The following SLAMF1 variants were observed in gnomAD, a reference collection of about 807,000 sequenced individuals.
SLAMF1 encodes the protein signaling lymphocytic activation molecule.
A neutral mutation model predicts 35.1 loss-of-function variants in SLAMF1; 18 were observed. The ratio of observed to expected loss-of-function variants is 0.51; its 90% CI spans 0.35 to 0.76. The LOEUF (loss-of-function observed/expected upper bound fraction) is 0.76. Ranked by LOEUF, SLAMF1 falls within the 30% of genes least tolerant of loss-of-function variation. The pLI is 0.01. For missense variants in SLAMF1, 392 were observed against 413.0 expected, an observed-to-expected ratio of 0.95 and a Z score of 0.44; for synonymous variants, 168 against 157.2, an observed-to-expected ratio of 1.07 and a Z score of -0.51.
rs202083103 is a variant in SLAMF1, at chr1:160,637,354, G to A, written c.252C>T (p.Ser84=). The A allele has an allele frequency of 4.0e-4, 643 of 1,614,026 alleles. No homozygotes were observed. The highest frequency in any genetic ancestry group is 5.8e-4 in the Admixed American group (35 of 60,016). Reference sequence around the variant, plus strand: ...CTAGATAACGTGGAGGGCCTGCTTCGGATGGATCAAGAGACACTATTTTGT... The same window carrying A: ...CTAGATAACGTGGAGGGCCTGCTTCAGATGGATCAAGAGACACTATTTTGT... ...VENKIVSLDP[S]EAGPPRYLGD... The change falls in exon 2 of 7, where the codon TCC becomes TCT. Residue 84 remains serine (S), a synonymous_variant. Coordinates refer to ENST00000302035, the MANE Select transcript of SLAMF1 (RefSeq NM_003037.5).
At chr1:160,644,752 TTAA>T (rs1259059046) in intron 1 of SLAMF1, among the ~76,000 whole-genome samples, 1 of 152,166 alleles carries the variant, frequency 6.6e-6, no homozygotes, top group Non-Finnish European at 1.5e-5. Context: ...CATCACAGTA[TTAA>T]TATTTTTGAG....
intron 2 of SLAMF1, among the ~76,000 whole-genome samples, chr1:160,635,639 T>C (rs1660411522): frequency 6.7e-6 from 1 of 149,766 alleles, no homozygotes; most frequent in African/African-American, 2.5e-5. Flanking sequence ...TGGCACAATC[T>C]CAGCTCACTG....
intron 6 of SLAMF1, among the ~76,000 whole-genome samples, 162 bp downstream of exon 6, chr1:160,612,326 T>C (rs1369175803): frequency 6.6e-6 from 1 of 152,046 alleles, no homozygotes; most frequent in Non-Finnish European, 1.5e-5. Context: ...TCATGAGGAT[T>C]TGTTATACAC....
At chr1:160,633,806 G>A (rs575065380) in intron 3 of SLAMF1, among the ~76,000 whole-genome samples, 1 of 152,346 alleles carries the variant, frequency 6.6e-6, no homozygotes, top group African/African-American at 2.4e-5. Flanking sequence ...ACAGTCAGAA[G>A]ATGTAGGTTT....
chr1:160,610,657 G>C lies in SLAMF1; in HGVS notation c.*91C>G. The stretch of plus-strand genomic sequence containing the variant: ...AAGGGTACAGACGTGCAGCATGTCT[G>C]CCAGAGGAAACTTGGGGCCTGTGGC... On this transcript the variant is annotated 3_prime_UTR_variant, in exon 7 of 7. Coordinates refer to ENST00000302035, the MANE Select transcript of SLAMF1 (RefSeq NM_003037.5). 1 of 867,428 alleles carries C rather than the reference G, an allele frequency of 1.2e-6. No individual in the cohort carries two copies. The highest frequency in any genetic ancestry group is 1.7e-5 in the Admixed American group (1 of 57,394). The allele number at this position is 867,428 out of a possible 1,614,324, so 53.7% of individuals were successfully genotyped here.
intron 5 of SLAMF1, among the ~76,000 whole-genome samples, chr1:160,615,990 A>G (rs1394201878): frequency 6.6e-6 from 1 of 152,202 alleles, no homozygotes; most frequent in Non-Finnish European, 1.5e-5. Context: ...CAGAACTGTT[A>G]GAGAATAAAT....
chr1:160,610,637 T>C lies in SLAMF1; in HGVS notation c.*111A>G. 1.3e-6 allele frequency: 1 copy of C among 764,992 alleles called. No individual in the cohort carries two copies. The highest frequency in any genetic ancestry group is 2.4e-5 in the East Asian group (1 of 40,828). The allele number at this position is 764,992 out of a possible 1,614,324, so 47.4% of individuals were successfully genotyped here. A position where few individuals can be genotyped will look rare whatever the true frequency, so the allele number is the denominator to read the frequency against. On this transcript the variant is annotated 3_prime_UTR_variant, in exon 7 of 7. Transcript: ENST00000302035. ...CACCAGGGAGTTGATCTGAGAAGGG[T>C]ACAGACGTGCAGCATGTCTGCCAGA...
chr1:160,635,676 A>G (rs541264299), intron 2 of SLAMF1, among the ~76,000 whole-genome samples: 46 of 147,882 alleles, frequency 3.1e-4, no homozygotes, highest in African/African-American at 1.1e-3. Context: ...GGTTCACGCC[A>G]TTCTCCTGCC....
At chr1:160,627,083 CAGAT>C (rs1454991337) in intron 3 of SLAMF1, among the ~76,000 whole-genome samples, 1 of 152,290 alleles carries the variant, frequency 6.6e-6, no homozygotes, top group African/African-American at 2.4e-5. Flanking sequence ...TATTTGGAGC[CAGAT>C]AGATAAGTTC....
intron 5 of SLAMF1, among the ~76,000 whole-genome samples, chr1:160,613,743 T>C (rs1659135081): frequency 6.6e-6 from 1 of 152,242 alleles, no homozygotes. Flanking sequence ...CTTCATATAT[T>C]TGATGAATTG....
At position 160,647,042 on chromosome 1, in the gene SLAMF1, T is replaced by A. The variant is rs1160013237; in HGVS notation, c.-97A>T. 2 of 691,626 alleles carry A rather than the reference T, an allele frequency of 2.9e-6. No homozygotes were observed. The highest frequency in any genetic ancestry group is 5.5e-5 in the East Asian group (2 of 36,044). The allele number at this position is 691,626 out of a possible 1,614,324, so 42.8% of individuals were successfully genotyped here. ...GCTTCGTGTCATGCAGCAGAGGCTGTCTGATTTATGTATCAGGAACCAGCA... is the reference window on the plus strand; with the variant it reads ...GCTTCGTGTCATGCAGCAGAGGCTGACTGATTTATGTATCAGGAACCAGCA... On this transcript the variant is annotated 5_prime_UTR_variant, in exon 1 of 7. Transcript: ENST00000302035.
Position 160,646,888 on chromosome 1 carries a change from C to T in SLAMF1, c.58G>A (p.Gly20Arg), listed in dbSNP as rs574741968. ...CACTCACCTGTTCCGTAGCTTGCCC[C>T]AAAAGCCAGGGAGAGAAACAGCACG... ...TFVLFLSLAF[G>R]ASYGTGGRMM... The change falls in exon 1 of 7, where the codon GGG becomes AGG. Residue 20 changes from glycine (G) to arginine (R), a missense_variant. Physicochemically the swap from Gly to Arg is moderately radical, Grantham distance 125. Coordinates refer to ENST00000302035, the MANE Select transcript of SLAMF1 (RefSeq NM_003037.5). 1 of 1,605,470 alleles carries T rather than the reference C, an allele frequency of 6.2e-7. No individual in the cohort carries two copies. Among genetic ancestry groups the T allele is most frequent in the Admixed American group, 1.7e-5 (1 of 59,856 alleles).
chr1:160,645,887 C>T (rs10489635), intron 1 of SLAMF1, among the ~76,000 whole-genome samples: 7,308 of 152,108 alleles, frequency 0.048, 230 homozygotes, highest in African/African-American at 0.09. Flanking sequence ...ATTGGATTTG[C>T]GGTCTTGAAA....
chr1:160,635,030 G>A lies in SLAMF1; in HGVS notation c.416-133C>T, dbSNP rs915522722. On this transcript the variant is annotated intron_variant, in intron 2 of 6. Coordinates refer to ENST00000302035, the MANE Select transcript of SLAMF1 (RefSeq NM_003037.5). Reference sequence around the variant, plus strand: ...CTCAATGTGATTTATTTCTAGTGGGGAATCTATTGCTTCACACTGTCCATC... The same window carrying A: ...CTCAATGTGATTTATTTCTAGTGGGAAATCTATTGCTTCACACTGTCCATC... 1.4e-5 allele frequency: 10 copies of A among 736,342 alleles called. No individual in the cohort carries two copies. The African/African-American group carries it at 1.6e-4, about 12-fold the overall frequency. 45.6% of individuals were successfully genotyped at this position (736,342 alleles called of 1,614,324 possible). A position where few individuals can be genotyped will look rare whatever the true frequency, so the allele number is the denominator to read the frequency against.
chr1:160,631,057 T>C (rs1168588508), intron 3 of SLAMF1, among the ~76,000 whole-genome samples: 1 of 152,218 alleles, frequency 6.6e-6, no homozygotes, highest in Non-Finnish European at 1.5e-5. Context: ...ACAGCTGTCT[T>C]CTGCCTTAAG....
At chr1:160,620,363 A>G (rs1408178023) in intron 4 of SLAMF1, among the ~76,000 whole-genome samples, 1 of 152,086 alleles carries the variant, frequency 6.6e-6, no homozygotes, top group African/African-American at 2.4e-5. Flanking sequence ...TGTGGGAGGT[A>G]AGGGCGGGGG....
chr1:160,618,768 C>T (rs889140731), intron 5 of SLAMF1, among the ~76,000 whole-genome samples: 1 of 152,082 alleles, frequency 6.6e-6, no homozygotes, highest in African/African-American at 2.4e-5. Flanking sequence ...GGGATGCTAG[C>T]AGCATAGGAT....
chr1:160,630,383 C>T (rs184372059), intron 3 of SLAMF1, among the ~76,000 whole-genome samples: 2 of 152,320 alleles, frequency 1.3e-5, no homozygotes, highest in Admixed American at 1.3e-4. Flanking sequence ...TAAGTTTTTG[C>T]ACAGTTTCGC....
chr1:160,632,151 T>C (rs549832697), intron 3 of SLAMF1, among the ~76,000 whole-genome samples: 1 of 152,258 alleles, frequency 6.6e-6, no homozygotes, highest in East Asian at 1.9e-4. Context: ...CCACTCAGTG[T>C]GTGGTCCTTT....
Sources: allele counts gnomAD v4.1 joint callset (sites outside exome capture counted in the v4.1 genomes callset), GRCh38; gene constraint gnomAD v4.1.1; transcripts MANE v1.5; gene names NCBI Gene and HGNC (gene_info 2026-07-23, HGNC 2026-07-21).